The following GRIN3A variants were observed in gnomAD, a reference collection of about 807,000 sequenced individuals.
GRIN3A encodes the protein glutamate receptor ionotropic, NMDA 3A.
A neutral mutation model predicts 92.4 loss-of-function variants in GRIN3A; 47 were observed. That is an observed-to-expected ratio of 0.51 (90% CI 0.40 to 0.65). The LOEUF is 0.65. GRIN3A is among the 30% of genes least tolerant of loss of function. GRIN3A has a pLI of 0.00. For missense variants in GRIN3A, 1,324 were observed against 1,393.1 expected (o/e 0.95, Z 0.79); for synonymous variants, 527 against 540.6 (o/e 0.97, Z 0.35).
At chr9:101,615,389 T>C (rs1448766823) in intron 5 of GRIN3A, among the ~76,000 whole-genome samples, 5 of 109,536 alleles carry the variant, frequency 4.6e-5, no homozygotes, top group African/African-American at 2.6e-4. Flanking sequence ...TTTGTTCCTT[T>C]TTTTTTTTTT....
intron 3 of GRIN3A, among the ~76,000 whole-genome samples, chr9:101,667,365 A>G (rs372019293): frequency 1.3e-5 from 2 of 152,038 alleles, no homozygotes; most frequent in East Asian, 3.9e-4. Context: ...AATTCTTACT[A>G]TTCTTTAAGA....
rs550192757 is a variant in GRIN3A at position 101,663,183 on chromosome 9, A to G, written c.2352+6877T>C. 6.6e-5 allele frequency among the ~76,000 whole-genome samples: 10 copies of G among 151,796 alleles called. No individual in the cohort carries two copies. In the South Asian group the frequency reaches 1.7e-3, roughly 25 times the overall value. ...ATCCTCATCAACTTCCCTTTAACTCATTTATCTCATTCAGATCTTAGACAG... is the reference window on the plus strand; with the variant it reads ...ATCCTCATCAACTTCCCTTTAACTCGTTTATCTCATTCAGATCTTAGACAG... On this transcript the variant is annotated intron_variant, in intron 3 of 8. Transcript: ENST00000361820.
chr9:101,691,703 G>T (rs1829623259), intron 1 of GRIN3A, among the ~76,000 whole-genome samples: 1 of 152,180 alleles, frequency 6.6e-6, no homozygotes, highest in African/African-American at 2.4e-5. Flanking sequence ...CTCTTCAGCA[G>T]GTTCTACAGT....
intron 3 of GRIN3A, among the ~76,000 whole-genome samples, chr9:101,669,528 A>C (rs1829288222): frequency 6.6e-6 from 1 of 151,970 alleles, no homozygotes; most frequent in Non-Finnish European, 1.5e-5. Flanking sequence ...CATCTCAGTT[A>C]GTCTGATACT....
intron 5 of GRIN3A, among the ~76,000 whole-genome samples, chr9:101,623,020 AC>A (rs1275277315): frequency 2.0e-5 from 3 of 151,832 alleles, no homozygotes; most frequent in African/African-American, 7.3e-5. Flanking sequence ...ACACACACAC[AC>A]AATACAGATT....
chr9:101,610,574 C>CATCCATCTATCTATCT (rs757590642), intron 6 of GRIN3A, among the ~76,000 whole-genome samples: 1 of 139,338 alleles, frequency 7.2e-6, no homozygotes, highest in Non-Finnish European at 1.6e-5. Flanking sequence ...AGCTTGCATC[C>CATCCATCTATCTATCT]ATCTATCTAT....
At chr9:101,683,525 A>G (rs575045516) in intron 2 of GRIN3A, among the ~76,000 whole-genome samples, 2 of 152,322 alleles carry the variant, frequency 1.3e-5, no homozygotes, top group South Asian at 4.1e-4. Flanking sequence ...GCAGCTTTTC[A>G]GTTATTCATT....
At chr9:101,581,869 T>C (rs931962564) in intron 6 of GRIN3A, among the ~76,000 whole-genome samples, 2 of 152,238 alleles carry the variant, frequency 1.3e-5, no homozygotes, top group Non-Finnish European at 2.9e-5. Flanking sequence ...GCATTGAATA[T>C]GTGTAAGGCA....
At chr9:101,586,230 T>C (rs1202365299) in intron 6 of GRIN3A, among the ~76,000 whole-genome samples, 1 of 152,178 alleles carries the variant, frequency 6.6e-6, no homozygotes, top group Non-Finnish European at 1.5e-5. Context: ...CTTGACATAG[T>C]ATGTGTTTAT....
In GRIN3A at chr9:101,686,736, G is replaced by A. The variant is rs140660692; in HGVS notation, c.1164C>T (p.Tyr388=). The A allele has an allele frequency of 1.4e-4, 224 of 1,614,152 alleles. 1 individual carries two copies. In the East Asian group the frequency reaches 2.2e-3, roughly 16 times the overall value. Residue 388 remains tyrosine (Y), a synonymous_variant, in exon 2 of 9, where the codon TAC becomes TAT. Transcript: ENST00000361820. Reference sequence around the variant, plus strand: ...CGACCAGCTCCATAGCATCTTGTACGTAGTGCTCAAAGACAGACTGTGTTG... The same window carrying A: ...CGACCAGCTCCATAGCATCTTGTACATAGTGCTCAAAGACAGACTGTGTTG... The part of the protein sequence containing the change: ...GKTTQSVFEH[Y]VQDAMELVAR...
At chr9:101,634,064 TGG>T (rs1828747740) in intron 3 of GRIN3A, among the ~76,000 whole-genome samples, 1 of 152,052 alleles carries the variant, frequency 6.6e-6, no homozygotes, top group Non-Finnish European at 1.5e-5. Context: ...CCGGGCATGG[TGG>T]TTTACGCCTG....
chr9:101,572,914 G>A lies in GRIN3A; in HGVS notation c.*260C>T. On this transcript the variant is annotated 3_prime_UTR_variant, in exon 9 of 9. Coordinates refer to ENST00000361820, the MANE Select transcript of GRIN3A (RefSeq NM_133445.3). ...GGTTAACGGCAGCTGGGGTTATCTG[G>A]TTATTCACAGATCTCTCGCACAGAG... 2.0e-6 allele frequency: 1 copy of A among 491,762 alleles called. No individual in the cohort carries two copies. The highest frequency in any genetic ancestry group is 3.7e-6 in the Non-Finnish European group (1 of 269,230). 30.5% of individuals were successfully genotyped at this position (491,762 alleles called of 1,614,324 possible).
At chr9:101,590,806 G>T (rs1260312075) in intron 6 of GRIN3A, among the ~76,000 whole-genome samples, 8 of 152,136 alleles carry the variant, frequency 5.3e-5, no homozygotes, top group African/African-American at 9.7e-5. Flanking sequence ...TATAAGTAGA[G>T]AATGGAATTT....
intron 3 of GRIN3A, among the ~76,000 whole-genome samples, chr9:101,632,158 G>C (rs574613605): frequency 6.6e-6 from 1 of 152,134 alleles, no homozygotes. Context: ...GTCTTCAGTC[G>C]GCCTGGGACA....
At chr9:101,578,525 C>T (rs1827853917) in intron 7 of GRIN3A, among the ~76,000 whole-genome samples, 1 of 152,234 alleles carries the variant, frequency 6.6e-6, no homozygotes, top group Non-Finnish European at 1.5e-5. Context: ...CTCATCCAGC[C>T]TTGCTGTGGT....
intron 2 of GRIN3A, among the ~76,000 whole-genome samples, chr9:101,680,323 C>A (rs1352747670): frequency 1.3e-5 from 2 of 152,062 alleles, no homozygotes; most frequent in Non-Finnish European, 2.9e-5. Context: ...TTTGAATGGA[C>A]ATTTGTTTGA....
chr9:101,591,990 G>A (rs1381932951), intron 6 of GRIN3A: 2 of 152,208 alleles, frequency 1.3e-5, no homozygotes, highest in African/African-American at 4.8e-5. Flanking sequence ...ATTGCAGGGT[G>A]TATAAATAAT....
intron 3 of GRIN3A, among the ~76,000 whole-genome samples, chr9:101,646,559 T>G (rs986976317): frequency 2.0e-5 from 3 of 151,892 alleles, no homozygotes; most frequent in Non-Finnish European, 4.4e-5. Flanking sequence ...TTGAAGAATA[T>G]CATTTGTATT....
At chr9:101,573,910 CTATT>C (rs1827794492) in intron 8 of GRIN3A, among the ~76,000 whole-genome samples, 1 of 149,824 alleles carries the variant, frequency 6.7e-6, no homozygotes, top group Non-Finnish European at 1.5e-5. Flanking sequence ...AAAGCAAAAT[CTATT>C]TATTCACTTG....
Sources: gnomAD v4.1 joint callset for allele counts (sites outside exome capture counted in the v4.1 genomes callset) on GRCh38, gnomAD v4.1.1 for gene constraint, MANE v1.5 for transcripts, NCBI Gene and HGNC (gene_info 2026-07-23, HGNC 2026-07-21) for gene names.